Variants in MYO16 observed in about 807,000 individuals in gnomAD.
MYO16 encodes the protein myosin XVI.
A neutral mutation model predicts 205.3 loss-of-function variants in MYO16; 94 were observed. That is an observed-to-expected ratio of 0.46 (90% confidence interval 0.39 to 0.54). The LOEUF (loss-of-function observed/expected upper bound fraction) is 0.54, where lower values mean the gene tolerates loss of function less well. MYO16 is among the 20% of genes least tolerant of loss of function. The pLI is 0.00. For synonymous variants in MYO16, 988 were observed against 954.0 expected, an observed-to-expected ratio of 1.04 and a Z score of -0.66; for missense variants, 2,315 against 2,387.5, an observed-to-expected ratio of 0.97 and a Z score of 0.63.
chr13:109,013,664 G>C (rs1218086723), intron 22 of MYO16, among the ~76,000 whole-genome samples: 1 of 152,136 alleles, frequency 6.6e-6, no homozygotes, highest in Admixed American at 6.5e-5. Context: ...CATTCTAACT[G>C]GTGTGAGATG....
intron 4 of MYO16, among the ~76,000 whole-genome samples, chr13:108,763,740 G>A (rs1256530875): frequency 6.6e-6 from 1 of 151,560 alleles, no homozygotes; most frequent in Non-Finnish European, 1.5e-5. Context: ...ACTTTGAGAA[G>A]TCTAAGAGAC....
In MYO16 at chr13:108,964,854, T is replaced by C. The variant is rs764828021; in HGVS notation, c.2321T>C (p.Leu774Ser). The C allele has an allele frequency of 6.2e-7, 1 of 1,614,182 alleles. No homozygotes were observed. Among genetic ancestry groups the C allele is most frequent in the South Asian group, 1.1e-5 (1 of 91,084 alleles). The change falls in exon 20 of 35, where the codon TTG becomes TCG. Residue 774 changes from leucine (L) to serine (S), a missense_variant. Coordinates refer to ENST00000457511, the MANE Select transcript of MYO16 (RefSeq NM_001198950.3). ...KSLYSRLFSF[L>S]VNTMNSCLHS... ...CTGTACAGTCGTTTGTTTAGCTTTT[T>C]GGTGAATACCATGAATTCTTGCCTC...
At chr13:109,071,188 G>T (rs1260992346) in intron 27 of MYO16, among the ~76,000 whole-genome samples, 1 of 152,040 alleles carries the variant, frequency 6.6e-6, no homozygotes, top group Non-Finnish European at 1.5e-5. Context: ...AAAGGATGAT[G>T]ACAATATTTT....
At chr13:108,720,995 GA>G (rs533278840) in intron 3 of MYO16, among the ~76,000 whole-genome samples, 21 of 149,402 alleles carry the variant, frequency 1.4e-4, no homozygotes, top group East Asian at 3.9e-4. Context: ...CAAGACAGCA[GA>G]AAAAAAAAAT....
At chr13:108,988,687 G>A (rs2139431254) in intron 20 of MYO16, among the ~76,000 whole-genome samples, 1 of 152,288 alleles carries the variant, frequency 6.6e-6, no homozygotes, top group South Asian at 2.1e-4. Context: ...TAGGTATGAA[G>A]TGACATGGTG....
At chr13:108,781,503 C>A (rs1886302651) in intron 4 of MYO16, among the ~76,000 whole-genome samples, 1 of 152,216 alleles carries the variant, frequency 6.6e-6, no homozygotes, top group Non-Finnish European at 1.5e-5. Context: ...CCATGCACAG[C>A]TGCACGGCCG....
Position 109,127,379 on chromosome 13 carries a change from A to C in MYO16, c.3880A>C (p.Ile1294Leu), listed in dbSNP as rs1307396858. Reference protein sequence around the residue: ...GLGQCLVGPSIWSPSLHSVFS... With the variant: ...GLGQCLVGPSLWSPSLHSVFS... Reference sequence around the variant, plus strand: ...GGGCCAGTGCCTCGTTGGCCCGTCCATCTGGTCTCCTTCGCTGCACTCGGT... The same window carrying C: ...GGGCCAGTGCCTCGTTGGCCCGTCCCTCTGGTCTCCTTCGCTGCACTCGGT... The change falls in exon 31 of 35, where the codon ATC (isoleucine) becomes CTC (leucine). Residue 1294 changes from isoleucine (I) to leucine (L), a missense_variant. Coordinates refer to ENST00000457511, the MANE Select transcript of MYO16 (RefSeq NM_001198950.3). This position sits in a 1 kb window ranked among gnomAD's most constrained non-coding sequence, Gnocchi z 4.2. 1.9e-6 allele frequency: 3 copies of C among 1,613,822 alleles called. No homozygotes were observed. The highest frequency in any genetic ancestry group is 2.5e-6 in the Non-Finnish European group (3 of 1,179,970).
chr13:108,597,200 A>G (rs1878594667), intron 1 of MYO16, among the ~76,000 whole-genome samples: 1 of 152,182 alleles, frequency 6.6e-6, no homozygotes, highest in South Asian at 2.1e-4. Context: ...TGAGTTAGAC[A>G]TTTTTGTTAC....
chr13:109,028,407 A>G, intron 23 of MYO16: 2 of 325,572 alleles, frequency 6.1e-6, no homozygotes, highest in Middle Eastern at 4.9e-4. Context: ...TGTTTTTCAC[A>G]GAATATTTGG....
the MYO16 span, among the ~76,000 whole-genome samples, chr13:108,562,352 T>C: frequency 6.6e-6 from 1 of 152,096 alleles, no homozygotes; most frequent in African/African-American, 2.4e-5. Flanking sequence ...TATTTCAACA[T>C]ATGAATTTTT....
chr13:108,823,662 A>G (rs944746198), intron 9 of MYO16, among the ~76,000 whole-genome samples: 2 of 143,480 alleles, frequency 1.4e-5, no homozygotes, highest in East Asian at 2.1e-4. Context: ...CTAATCATTT[A>G]TTGTTGTGTG....
intron 14 of MYO16, among the ~76,000 whole-genome samples, chr13:108,889,608 AG>A (rs2139183920): frequency 1.3e-5 from 2 of 152,348 alleles, no homozygotes; most frequent in African/African-American, 4.8e-5. Context: ...TCTGCTCTCT[AG>A]GGGCCTCTAC....
chr13:108,693,732 A>G (rs1882985890), intron 2 of MYO16, among the ~76,000 whole-genome samples: 2 of 152,206 alleles, frequency 1.3e-5, no homozygotes, highest in Non-Finnish European at 2.9e-5. Flanking sequence ...TTTTAAGTTC[A>G]GTGGTCCATG....
At chr13:108,843,420 T>C (rs1238054126) in intron 9 of MYO16, among the ~76,000 whole-genome samples, 7 of 152,144 alleles carry the variant, frequency 4.6e-5, no homozygotes, top group Non-Finnish European at 8.8e-5. Flanking sequence ...TATGCAACTA[T>C]GTATATCAGT....
chr13:109,092,049 G>GT (rs780695478), intron 27 of MYO16, among the ~76,000 whole-genome samples: 4 of 152,114 alleles, frequency 2.6e-5, no homozygotes, highest in Non-Finnish European at 5.9e-5. Context: ...GTTTCTCTTA[G>GT]TAAGTGTTCA....
intron 1 of MYO16, among the ~76,000 whole-genome samples, chr13:108,639,698 A>G (rs1880415183): frequency 6.6e-6 from 1 of 152,252 alleles, no homozygotes. Flanking sequence ...GATTGACTAT[A>G]GAGAACAAAT....
chr13:108,863,680 T>C (rs1253481108), intron 11 of MYO16, among the ~76,000 whole-genome samples: 1 of 152,118 alleles, frequency 6.6e-6, no homozygotes, highest in African/African-American at 2.4e-5. Flanking sequence ...TAGAGTCTAA[T>C]GTCAATTTTG....
At chr13:108,986,954 A>G (rs1160607195) in intron 20 of MYO16, among the ~76,000 whole-genome samples, 1 of 152,154 alleles carries the variant, frequency 6.6e-6, no homozygotes, top group African/African-American at 2.4e-5. Context: ...GGGGCAGCTT[A>G]CTTCACCATT....
At chr13:109,145,638 T>C (rs1340117543) in intron 32 of MYO16, among the ~76,000 whole-genome samples, 1 of 152,270 alleles carries the variant, frequency 6.6e-6, no homozygotes, top group Non-Finnish European at 1.5e-5. Context: ...CATGTGATGA[T>C]GTGGCTAATA....
Sources: allele counts gnomAD v4.1 joint callset (sites outside exome capture counted in the v4.1 genomes callset), GRCh38; gene constraint gnomAD v4.1.1; non-coding constraint Gnocchi (gnomAD v3.1); transcripts MANE v1.5; gene names NCBI Gene and HGNC (gene_info 2026-07-23, HGNC 2026-07-21).